The following BRINP3 variants were observed in gnomAD, a reference collection of about 807,000 sequenced individuals.
BRINP3 encodes the protein BMP/retinoic acid inducible neural specific 3.
In BRINP3, 19 loss-of-function variants were observed where a neutral mutation model predicts 71.0. The observed-to-expected ratio is 0.27, with a 90% CI of 0.19 to 0.39. BRINP3 has a LOEUF of 0.39. Among genes scored for constraint, BRINP3 ranks in the 10% least tolerant of loss-of-function variants. BRINP3 has a pLI of 1.00. For synonymous variants in BRINP3, 380 were observed against 337.7 expected (o/e 1.13, Z -1.37); for missense variants, 959 against 940.8 (o/e 1.02, Z -0.25).
intron 4 of BRINP3, among the ~76,000 whole-genome samples, chr1:190,252,025 T>G (rs1481952908): frequency 1.3e-5 from 2 of 152,050 alleles, no homozygotes; most frequent in Non-Finnish European, 2.9e-5. Flanking sequence ...TACTAAAGAT[T>G]TGTCAGATAC....
chr1:190,121,669 A>T (rs1032840090), intron 7 of BRINP3, among the ~76,000 whole-genome samples: 11 of 152,180 alleles, frequency 7.2e-5, no homozygotes, highest in South Asian at 2.1e-4. Context: ...TTAGGCAGTA[A>T]GTTCTTATTG....
In BRINP3 at chr1:190,233,152, T is replaced by G. The variant is rs144104599; in HGVS notation, c.724+1220A>C. Reference sequence around the variant, plus strand: ...TAATTTTTTAGAGACAGGGTCTCACTGTCACCCAGGCTGGAGTAACATGAT... The same window carrying G: ...TAATTTTTTAGAGACAGGGTCTCACGGTCACCCAGGCTGGAGTAACATGAT... On this transcript the variant is annotated intron_variant, in intron 5 of 7. Transcript: ENST00000367462. Among the ~76,000 whole-genome samples the G allele has an allele frequency of 1.9e-3, 285 of 152,236 alleles. 1 individual carries two copies. Among genetic ancestry groups the G allele is most frequent in the African/African-American group, 6.4e-3 (264 of 41,556 alleles).
intron 7 of BRINP3, among the ~76,000 whole-genome samples, chr1:190,110,527 T>A (rs1156458110): frequency 6.6e-6 from 1 of 152,202 alleles, no homozygotes; most frequent in Non-Finnish European, 1.5e-5. Context: ...GATATCATCA[T>A]GATATTTTAT....
intron 7 of BRINP3, among the ~76,000 whole-genome samples, chr1:190,119,039 T>C (rs1309870120): frequency 6.6e-6 from 1 of 152,120 alleles, no homozygotes; most frequent in African/African-American, 2.4e-5. Context: ...ACTTTTAAAG[T>C]CTGTCTAGAT....
Position 190,128,231 on chromosome 1 carries a change from G to C in BRINP3, c.1185-29097C>G, listed in dbSNP as rs567727202. The stretch of plus-strand genomic sequence containing the variant: ...AACCACTTTATGTGGTTGTGGTAAG[G>C]TTTAGATTCTATGATATATGTGCAA... On this transcript the variant is annotated intron_variant, in intron 7 of 7. Transcript: ENST00000367462. Among the ~76,000 whole-genome samples the C allele has an allele frequency of 4.6e-5, 7 of 151,766 alleles. No homozygotes were observed. In the South Asian group the frequency reaches 1.5e-3, roughly 31 times the overall value.
intron 2 of BRINP3, among the ~76,000 whole-genome samples, chr1:190,365,833 TATAC>T (rs1464795594): frequency 1.6e-4 from 22 of 135,444 alleles, no homozygotes; most frequent in Admixed American, 1.5e-3. Flanking sequence ...TATATATATA[TATAC>T]ACACACACAT....
rs201659603 is a variant in BRINP3, at chr1:190,405,629, C to G, written c.236+49026G>C. On this transcript the variant is annotated intron_variant, in intron 2 of 7. Coordinates refer to ENST00000367462, the MANE Select transcript of BRINP3 (RefSeq NM_199051.3). ...AAATTAGTGCAGTATCACATTAGGACGCAAGACACAGGCAGAGAAACGAAT... is the reference window on the plus strand; with the variant it reads ...AAATTAGTGCAGTATCACATTAGGAGGCAAGACACAGGCAGAGAAACGAAT... 1.1e-4 allele frequency among the ~76,000 whole-genome samples: 17 copies of G among 152,020 alleles called. No individual in the cohort carries two copies. In the East Asian group the frequency reaches 3.1e-3, roughly 28 times the overall value.
At chr1:190,334,780 G>A (rs1456747969) in intron 2 of BRINP3, among the ~76,000 whole-genome samples, 1 of 151,732 alleles carries the variant, frequency 6.6e-6, no homozygotes, top group Non-Finnish European at 1.5e-5. Context: ...AAATAATAAG[G>A]TGAAAATGCT....
At chr1:190,391,658 T>C (rs949309895) in intron 2 of BRINP3, among the ~76,000 whole-genome samples, 1 of 151,746 alleles carries the variant, frequency 6.6e-6, no homozygotes, top group African/African-American at 2.4e-5. Flanking sequence ...AGACATGTTC[T>C]TTTCAGTCAC....
intron 7 of BRINP3, among the ~76,000 whole-genome samples, chr1:190,123,873 T>G (rs994868313): frequency 1.3e-5 from 2 of 152,132 alleles, no homozygotes; most frequent in African/African-American, 4.8e-5. Context: ...TTTCACAATT[T>G]CATTTAAATG....
At chr1:190,469,441 TAAGA>T (rs1273846898) in intron 1 of BRINP3, among the ~76,000 whole-genome samples, 2 of 151,202 alleles carry the variant, frequency 1.3e-5, no homozygotes, top group Non-Finnish European at 3.0e-5. Flanking sequence ...GCAAAAATGT[TAAGA>T]AAGCAAGCAT....
intron 2 of BRINP3, among the ~76,000 whole-genome samples, chr1:190,334,899 A>G (rs927827201): frequency 1.3e-5 from 2 of 151,936 alleles, no homozygotes; most frequent in Admixed American, 6.6e-5. Flanking sequence ...GGTAGTCTCT[A>G]TAAGAAGAAA....
chr1:190,162,474 TTA>T (rs76998823), intron 6 of BRINP3, among the ~76,000 whole-genome samples: 12,383 of 152,144 alleles, frequency 0.081, 583 homozygotes, highest in East Asian at 0.11. Flanking sequence ...ATCCTATATT[TTA>T]TTTGGTCCCA....
chr1:190,320,736 A>C (rs1301926548), intron 2 of BRINP3, among the ~76,000 whole-genome samples: 2 of 151,752 alleles, frequency 1.3e-5, no homozygotes, highest in Non-Finnish European at 2.9e-5. Flanking sequence ...CAGTGAACCT[A>C]ATGTGCATAT....
chr1:190,170,221 T>C (rs1335069450), intron 6 of BRINP3, among the ~76,000 whole-genome samples: 1 of 152,040 alleles, frequency 6.6e-6, no homozygotes, highest in African/African-American at 2.4e-5. Flanking sequence ...ATTTGAATTA[T>C]AGGATTATTG....
intron 7 of BRINP3, among the ~76,000 whole-genome samples, chr1:190,138,967 G>A (rs1272134348): frequency 2.0e-5 from 3 of 152,084 alleles, no homozygotes; most frequent in Non-Finnish European, 2.9e-5. Context: ...AATCCATGCT[G>A]GGTTTAGAAT....
At chr1:190,420,474 C>A (rs1406889416) in intron 2 of BRINP3, among the ~76,000 whole-genome samples, 1 of 151,884 alleles carries the variant, frequency 6.6e-6, no homozygotes, top group Non-Finnish European at 1.5e-5. Context: ...CACTTTGTAA[C>A]CCTAAGTTAA....
At chr1:190,122,094 A>C (rs115594394) in intron 7 of BRINP3, among the ~76,000 whole-genome samples, 205 of 152,284 alleles carry the variant, frequency 1.3e-3, no homozygotes, top group African/African-American at 4.7e-3. Flanking sequence ...CTCCACTTGT[A>C]AGATATACCA....
chr1:190,191,075 C>G (rs929115416), intron 6 of BRINP3, among the ~76,000 whole-genome samples: 1 of 152,074 alleles, frequency 6.6e-6, no homozygotes, highest in Non-Finnish European at 1.5e-5. Flanking sequence ...AGCAGACACA[C>G]TAGTTTCTAA....
Sources: gnomAD v4.1 joint callset for allele counts (sites outside exome capture counted in the v4.1 genomes callset) on GRCh38, gnomAD v4.1.1 for gene constraint, MANE v1.5 for transcripts, NCBI Gene and HGNC (gene_info 2026-07-23, HGNC 2026-07-21) for gene names.